ADGRB3: variants seen among roughly 807,000 people sequenced by gnomAD.
ADGRB3 encodes brain-specific angiogenesis inhibitor 3.
In ADGRB3, 37 loss-of-function variants were observed where a neutral mutation model predicts 193.4. The ratio of observed to expected loss-of-function variants is 0.19; its 90% CI spans 0.15 to 0.25. The LOEUF (loss-of-function observed/expected upper bound fraction) is 0.25. Among genes scored for constraint, ADGRB3 ranks in the 10% least tolerant of loss-of-function variants. The probability of loss-of-function intolerance (pLI) is 1.00; values close to 1 mark genes in which losing one functional copy is unlikely to be tolerated. For missense variants in ADGRB3, 1,637 were observed against 1,852.9 expected, an observed-to-expected ratio of 0.88 and a Z score of 2.14; for synonymous variants, 690 against 644.2, an observed-to-expected ratio of 1.07 and a Z score of -1.08.
rs142386956 is a variant in ADGRB3 at position 68,750,279 on chromosome 6, T to G, written c.757+110847T>G. 3.6e-3 allele frequency among the ~76,000 whole-genome samples: 549 copies of G among 152,294 alleles called. 3 individuals are homozygous for G. Among genetic ancestry groups the G allele is most frequent in the African/African-American group, 0.012 (518 of 41,568 alleles). On this transcript the variant is annotated intron_variant, in intron 3 of 31. Transcript: ENST00000370598. ...TCACTGAATTTTTATAAAAGCTTCA[T>G]ATGTTCTAAAATAACTGGGAATGTT...
chr6:68,800,190 G>A (rs983976844), intron 3 of ADGRB3, among the ~76,000 whole-genome samples: 4 of 152,104 alleles, frequency 2.6e-5, no homozygotes, highest in East Asian at 3.9e-4. Flanking sequence ...CTATACAGAT[G>A]TATAGATTGA....
chr6:68,800,284 G>T (rs1243002690), intron 3 of ADGRB3, among the ~76,000 whole-genome samples: 1 of 152,192 alleles, frequency 6.6e-6, no homozygotes, highest in Non-Finnish European at 1.5e-5. Context: ...GAAGAGCAAA[G>T]TTCTGGAGGA....
In ADGRB3 at chr6:68,635,844, G is replaced by A; in HGVS notation, c.-344G>A. On this transcript the variant is annotated 5_prime_UTR_variant, in exon 1 of 32. It removes an upstream start codon present in the reference 5' UTR. Transcript: ENST00000370598. ...CCCACCTTTTGCTTTTCGTATGTAT[G>A]CATTTTTAAAAATAAATCCTGATTT... 1 of 152,612 alleles carries A rather than the reference G, an allele frequency of 6.6e-6. No homozygotes were observed. The highest frequency in any genetic ancestry group is 1.5e-5 in the Non-Finnish European group (1 of 68,372). 9.5% of individuals were successfully genotyped at this position (152,612 alleles called of 1,614,324 possible).
At chr6:69,216,671 G>GA (rs765908941) in intron 17 of ADGRB3, among the ~76,000 whole-genome samples, 2 of 152,102 alleles carry the variant, frequency 1.3e-5, no homozygotes, top group Non-Finnish European at 2.9e-5. Flanking sequence ...CAGAGAAACA[G>GA]AAAAATAGCC....
Position 68,670,369 on chromosome 6 carries a change from A to G in ADGRB3, c.757+30937A>G, listed in dbSNP as rs557845129. ...GACCAGTGGCCACAAGATTTTCCCC[A>G]GTGTTTTCTTGTAGTAGTTTCATAG... On this transcript the variant is annotated intron_variant, in intron 3 of 31. Coordinates refer to ENST00000370598, the MANE Select transcript of ADGRB3 (RefSeq NM_001704.3). Among the ~76,000 whole-genome samples, 3 of 151,928 alleles carry G rather than the reference A, an allele frequency of 2.0e-5. No individual in the cohort carries two copies. The East Asian group carries it at 5.8e-4, about 30-fold the overall frequency.
chr6:69,384,675 C>T (rs548575786), intron 31 of ADGRB3, among the ~76,000 whole-genome samples: 30 of 152,028 alleles, frequency 2.0e-4, no homozygotes, highest in Non-Finnish European at 3.1e-4. Context: ...TCTGCAGCAG[C>T]GTGCCTTTTC....
intron 17 of ADGRB3, among the ~76,000 whole-genome samples, chr6:69,185,889 A>G (rs749623496): frequency 6.6e-6 from 1 of 152,164 alleles, no homozygotes; most frequent in Non-Finnish European, 1.5e-5. Context: ...CAATAAAAAA[A>G]TCTGTGTATT....
rs772115066 is a variant in ADGRB3, at chr6:69,324,850, TTTTG to T, written c.2815-10_2815-7del. On this transcript the variant is annotated intron_variant, in intron 20 of 31. Coordinates refer to ENST00000370598, the MANE Select transcript of ADGRB3 (RefSeq NM_001704.3). ...CCTCTCCCAGGTTCAGTGTGAGTCT[TTTTG>T]TTTGTTTGTTTCCACAGAGTATCTG... 3.7e-6 allele frequency: 6 copies of T among 1,612,388 alleles called. No homozygotes were observed. Among genetic ancestry groups the T allele is most frequent in the Non-Finnish European group, 5.1e-6 (6 of 1,179,038 alleles).
chr6:69,266,491 C>G (rs1239089498), intron 20 of ADGRB3, among the ~76,000 whole-genome samples: 1 of 151,914 alleles, frequency 6.6e-6, no homozygotes, highest in African/African-American at 2.4e-5. Flanking sequence ...AATCTCTGTC[C>G]ACAAAAGATT....
chr6:68,734,926 G>A (rs952684297), intron 3 of ADGRB3, among the ~76,000 whole-genome samples: 1 of 151,856 alleles, frequency 6.6e-6, no homozygotes, highest in African/African-American at 2.4e-5. Context: ...GTTTCTACTA[G>A]GGATTTCAGC....
In ADGRB3 at chr6:68,943,892, C is replaced by G; in HGVS notation, c.1093C>G (p.Gln365Glu). ...ATGTTCATTTACATGTGGTCGAGGC[C>G]AAAGAACAAGAACAAGGTCATGCAC... ...SLCSFTCGRG[Q>E]RTRTRSCTPP... Residue 365 changes from glutamine (Q) to glutamate (E), a missense_variant, in exon 6 of 32, where the codon CAA (glutamine) becomes GAA (glutamate). By Grantham distance (29) the Gln-to-Glu change is conservative. This residue lies in a region of ADGRB3 where 641 missense variants were observed against 673.9 expected (regional missense o/e 0.95). Coordinates refer to ENST00000370598, the MANE Select transcript of ADGRB3 (RefSeq NM_001704.3). 2 of 1,613,754 alleles carry G rather than the reference C, an allele frequency of 1.2e-6. No individual in the cohort carries two copies. Among genetic ancestry groups the G allele is most frequent in the Non-Finnish European group, 1.7e-6 (2 of 1,179,814 alleles).
chr6:69,216,714 G>T (rs947856578), intron 17 of ADGRB3, among the ~76,000 whole-genome samples: 1 of 152,178 alleles, frequency 6.6e-6, no homozygotes, highest in Non-Finnish European at 1.5e-5. Context: ...AAGGCAGAAA[G>T]AATCGGCTTG....
At chr6:68,676,144 G>A (rs1769080022) in intron 3 of ADGRB3, among the ~76,000 whole-genome samples, 1 of 151,954 alleles carries the variant, frequency 6.6e-6, no homozygotes, top group African/African-American at 2.4e-5. Flanking sequence ...TGTAATCCCA[G>A]CACTTTGGGA....
chr6:69,075,840 A>G (rs1172783434), intron 16 of ADGRB3, among the ~76,000 whole-genome samples, 155 bp from the exon 17 acceptor site: 2 of 152,158 alleles, frequency 1.3e-5, no homozygotes, highest in Admixed American at 1.3e-4. Context: ...GAGAAACGAA[A>G]TGCAAATTTC....
intron 17 of ADGRB3, among the ~76,000 whole-genome samples, chr6:69,207,195 A>G (rs1347162254): frequency 2.0e-5 from 3 of 152,200 alleles, no homozygotes; most frequent in Admixed American, 1.3e-4. Flanking sequence ...CTCTGGAACT[A>G]AGACCTCTAG....
At chr6:68,643,326 A>T (rs1768125281) in intron 3 of ADGRB3, among the ~76,000 whole-genome samples, 1 of 149,500 alleles carries the variant, frequency 6.7e-6, no homozygotes, top group Non-Finnish European at 1.5e-5. Context: ...ATCTAATGTG[A>T]TTTGAGTCTA....
In ADGRB3 at chr6:69,330,897, A is replaced by G. The variant is rs556658319; in HGVS notation, c.3102+325A>G. On this transcript the variant is annotated intron_variant, in intron 23 of 31. Transcript: ENST00000370598. ...CATCATTTACCATAATTTCACCTTT[A>G]CACTATTCTGTACAATACATATGGT... Among the ~76,000 whole-genome samples, 6 of 152,286 alleles carry G rather than the reference A, an allele frequency of 3.9e-5. No homozygotes were observed. The South Asian group carries it at 1.2e-3, about 32-fold the overall frequency.
chr6:68,831,984 G>T lies in ADGRB3; in HGVS notation c.758-98575G>T, dbSNP rs117183275. Among the ~76,000 whole-genome samples, 24 of 152,234 alleles carry T rather than the reference G, an allele frequency of 1.6e-4. No individual in the cohort carries two copies. In the East Asian group the frequency reaches 4.6e-3, roughly 29 times the overall value. On this transcript the variant is annotated intron_variant, in intron 3 of 31. Coordinates refer to ENST00000370598, the MANE Select transcript of ADGRB3 (RefSeq NM_001704.3). Reference sequence around the variant, plus strand: ...TAATGATGGCATTGTTAATAGCATCGTGTGTTATCACTAAGTATCAACTTA... The same window carrying T: ...TAATGATGGCATTGTTAATAGCATCTTGTGTTATCACTAAGTATCAACTTA...
At chr6:69,040,315 T>C (rs1365372875) in intron 13 of ADGRB3, among the ~76,000 whole-genome samples, 7 of 38,088 alleles carry the variant, frequency 1.8e-4, no homozygotes, top group Non-Finnish European at 3.1e-4. Context: ...GTCTCTTTCT[T>C]TCTTTCTTTC....
Sources: allele counts gnomAD v4.1 joint callset (sites outside exome capture counted in the v4.1 genomes callset), GRCh38; gene constraint gnomAD v4.1.1; regional missense constraint gnomAD v4.1.1; transcripts MANE v1.5; gene names NCBI Gene and HGNC (gene_info 2026-07-23, HGNC 2026-07-21).